Variants in SPMIP3 observed in about 807,000 individuals in gnomAD.
The protein encoded by SPMIP3 is sperm microtubule inner protein 3, also known as protein SPMIP3.
At chr1:244,367,848 C>T in the SPMIP3 span, among the ~76,000 whole-genome samples, 2 of 152,188 alleles carry the variant, frequency 1.3e-5, no homozygotes, top group South Asian at 4.1e-4. Context: ...AAAGAGCAAA[C>T]GCTGTGGGGA....
the SPMIP3 span, among the ~76,000 whole-genome samples, chr1:244,384,926 G>C: frequency 6.6e-6 from 1 of 152,086 alleles, no homozygotes; most frequent in Non-Finnish European, 1.5e-5. Flanking sequence ...GTTTGAGATG[G>C]AGTCTCACTC....
chr1:244,379,162 T>C, the SPMIP3 span, among the ~76,000 whole-genome samples: 209 of 151,576 alleles, frequency 1.4e-3, 1 homozygote, highest in African/African-American at 4.8e-3. Context: ...ACTCCTGACC[T>C]CATGATCCGC....
At chr1:244,377,894 C>T in the SPMIP3 span, among the ~76,000 whole-genome samples, 2 of 152,110 alleles carry the variant, frequency 1.3e-5, no homozygotes, top group South Asian at 2.1e-4. Flanking sequence ...CAACCTCTGC[C>T]TCCTGGGCTC....
At chr1:244,360,554 ACACATG>A in the SPMIP3 span, among the ~76,000 whole-genome samples, 12 of 70,072 alleles carry the variant, frequency 1.7e-4, no homozygotes, top group East Asian at 6.5e-4. Flanking sequence ...ACACACACAC[ACACATG>A]CATGCATGGA....
At chr1:244,387,646 A>G in the SPMIP3 span, among the ~76,000 whole-genome samples, 1 of 152,204 alleles carries the variant, frequency 6.6e-6, no homozygotes, top group Non-Finnish European at 1.5e-5. Context: ...AATAGATTCA[A>G]GTTGAAGAAA....
chr1:244,357,515 C>G, the SPMIP3 span, among the ~76,000 whole-genome samples: 63,178 of 151,562 alleles, frequency 0.42, 13,541 homozygotes, highest in Middle Eastern at 0.52. Flanking sequence ...TGGGGACCAG[C>G]CTGACAAACA....
At chr1:244,369,842 G>GCTTTTA in the SPMIP3 span, among the ~76,000 whole-genome samples, 3,175 of 151,914 alleles carry the variant, frequency 0.021, 112 homozygotes, top group African/African-American at 0.072. Context: ...ATGTAGATGG[G>GCTTTTA]TTCTCTGCCT....
At chr1:244,364,836 G>A in the SPMIP3 span, 16 of 1,388,818 alleles carry the variant, frequency 1.2e-5, no homozygotes, top group East Asian at 3.4e-4. Flanking sequence ...TGCACATCCT[G>A]CTGCTCAGTG....
the SPMIP3 span, among the ~76,000 whole-genome samples, chr1:244,372,303 T>C: frequency 1.3e-5 from 2 of 152,226 alleles, no homozygotes; most frequent in African/African-American, 2.4e-5. Flanking sequence ...GAGCCTAGCA[T>C]AGTGCAGGGT....
the SPMIP3 span, among the ~76,000 whole-genome samples, chr1:244,357,760 T>C: frequency 6.8e-6 from 1 of 147,094 alleles, no homozygotes; most frequent in African/African-American, 2.5e-5. Context: ...AGTTTCATGA[T>C]ATATTGTTCA....
chr1:244,358,646 C>CAT, the SPMIP3 span, among the ~76,000 whole-genome samples: 1 of 150,680 alleles, frequency 6.6e-6, no homozygotes, highest in African/African-American at 2.4e-5. Flanking sequence ...TATACACACA[C>CAT]ATATATATGA....
At chr1:244,359,810 TA>T in the SPMIP3 span, among the ~76,000 whole-genome samples, 1 of 150,930 alleles carries the variant, frequency 6.6e-6, no homozygotes, top group Non-Finnish European at 1.5e-5. Flanking sequence ...AACAGGTGTA[TA>T]AAAAAAAAGT....
At chr1:244,364,822 G>C in the SPMIP3 span, 7 of 1,505,972 alleles carry the variant, frequency 4.6e-6, no homozygotes, top group Admixed American at 1.7e-5. Context: ...TGGGGAGTTA[G>C]AATTGCACAT....
chr1:244,367,907 C>T, the SPMIP3 span, among the ~76,000 whole-genome samples: 1 of 152,196 alleles, frequency 6.6e-6, no homozygotes, highest in Non-Finnish European at 1.5e-5. Context: ...TCCCCTGCTT[C>T]CTCCTCATCC....
the SPMIP3 span, among the ~76,000 whole-genome samples, chr1:244,355,716 AT>A: frequency 6.6e-6 from 1 of 152,178 alleles, no homozygotes; most frequent in Admixed American, 6.5e-5. Flanking sequence ...GTTTGTCTAT[AT>A]CTACAAAAAG....
At chr1:244,370,888 T>C in the SPMIP3 span, among the ~76,000 whole-genome samples, 3 of 152,182 alleles carry the variant, frequency 2.0e-5, no homozygotes, top group African/African-American at 4.8e-5. Flanking sequence ...GCTATTCTTA[T>C]AAAGCAGAGA....
the SPMIP3 span, among the ~76,000 whole-genome samples, chr1:244,357,985 G>A: frequency 1.3e-4 from 20 of 152,274 alleles, no homozygotes; most frequent in African/African-American, 4.8e-4. Flanking sequence ...CTACTCAGAA[G>A]GCTGAAGGGG....
chr1:244,372,635 G>A, the SPMIP3 span, among the ~76,000 whole-genome samples: 22 of 152,070 alleles, frequency 1.4e-4, no homozygotes, highest in Non-Finnish European at 3.1e-4. Context: ...AGTAGAGACT[G>A]GGTTTCACCG....
the SPMIP3 span, among the ~76,000 whole-genome samples, chr1:244,353,900 C>T: frequency 2.6e-5 from 4 of 152,154 alleles, no homozygotes; most frequent in East Asian, 5.8e-4. Flanking sequence ...GCAGCTAGTA[C>T]AGTCACCATG....
Sources: gnomAD v4.1 joint callset for allele counts (sites outside exome capture counted in the v4.1 genomes callset) on GRCh38, gnomAD v4.1.1 for gene constraint, MANE v1.5 for transcripts, NCBI Gene and HGNC (gene_info 2026-07-23, HGNC 2026-07-21) for gene names.